PSTPIP2: variants seen among roughly 807,000 people sequenced by gnomAD.
PSTPIP2 encodes the protein proline-serine-threonine phosphatase interacting protein 2, also known as proline-serine-threonine phosphatase-interacting protein 2.
In PSTPIP2, 33 loss-of-function variants were observed where a neutral mutation model predicts 63.3. That is an observed-to-expected ratio of 0.52 (90% CI 0.40 to 0.70). The LOEUF (loss-of-function observed/expected upper bound fraction) is 0.70. PSTPIP2 is among the 30% of genes least tolerant of loss of function. PSTPIP2 has a pLI of 0.00. For synonymous variants in PSTPIP2, 125 were observed against 132.7 expected, an observed-to-expected ratio of 0.94 and a Z score of 0.40; for missense variants, 312 against 400.7, an observed-to-expected ratio of 0.78 and a Z score of 1.89.
intron 2 of PSTPIP2, among the ~76,000 whole-genome samples, chr18:46,034,619 C>T (rs1267701580): frequency 6.6e-6 from 1 of 152,148 alleles, no homozygotes; most frequent in Non-Finnish European, 1.5e-5. Flanking sequence ...GTACCATTTA[C>T]CCACTATATA....
intron 9 of PSTPIP2, among the ~76,000 whole-genome samples, chr18:45,994,996 C>A (rs1406621454): frequency 6.6e-6 from 1 of 152,166 alleles, no homozygotes; most frequent in Non-Finnish European, 1.5e-5. Flanking sequence ...GTTTCTATCA[C>A]CTTCCTCCTT....
At position 46,051,395 on chromosome 18, in the gene PSTPIP2, A is replaced by T. The variant is rs1371910476; in HGVS notation, c.34-11348T>A. Among the ~76,000 whole-genome samples, 4 of 152,082 alleles carry T rather than the reference A, an allele frequency of 2.6e-5. No homozygotes were observed. In the East Asian group the frequency reaches 7.8e-4, roughly 29 times the overall value. ...GAGGCTGAGGTGGGAGAATCACTTG[A>T]GCCCGGGAAGTGGAGGTTGCAGTGA... On this transcript the variant is annotated intron_variant, in intron 1 of 14. Transcript: ENST00000409746.
intron 1 of PSTPIP2, 163 bp from the exon 2 acceptor site, chr18:46,040,210 C>T: frequency 2.0e-6 from 1 of 497,778 alleles, no homozygotes; most frequent in Non-Finnish European, 3.5e-6. Context: ...TTCTCCACCC[C>T]CACCCTGGAG....
chr18:46,011,519 T>A (rs1262486774), intron 4 of PSTPIP2, among the ~76,000 whole-genome samples: 1 of 152,150 alleles, frequency 6.6e-6, no homozygotes, highest in African/African-American at 2.4e-5. Context: ...CTACTGTTAC[T>A]AACCTAGGGT....
chr18:45,988,343 G>T (rs570169584), intron 14 of PSTPIP2, among the ~76,000 whole-genome samples: 29 of 149,770 alleles, frequency 1.9e-4, no homozygotes, highest in African/African-American at 7.2e-4. Context: ...GCTGAGGTGG[G>T]AAGATCACTT....
chr18:46,049,008 A>ATGTGTGTGTGTGTG (rs59638072), intron 1 of PSTPIP2, among the ~76,000 whole-genome samples: 5 of 136,276 alleles, frequency 3.7e-5, no homozygotes, highest in African/African-American at 8.1e-5. Flanking sequence ...GAAAAAAAGC[A>ATGTGTGTGTGTGTG]TGTGTGTGTG....
intron 2 of PSTPIP2, chr18:46,029,151 C>T: frequency 1.1e-6 from 1 of 907,404 alleles, no homozygotes; most frequent in Non-Finnish European, 1.9e-6. Context: ...CATGAGTACT[C>T]ACAGCAAGGT....
chr18:45,988,679 A>T (rs760860850), intron 14 of PSTPIP2, 23 bp downstream of exon 14: 23 of 1,521,340 alleles, frequency 1.5e-5, no homozygotes, highest in Non-Finnish European at 2.1e-5. Context: ...TGACTCAATT[A>T]TGTGAAAAAT....
rs1161412281 is a variant in PSTPIP2, at chr18:46,006,386, T to TC, written c.355-856_355-855insG. On this transcript the variant is annotated intron_variant, in intron 5 of 14. Transcript: ENST00000409746. ...TTTTTTTTTTTTTTTTTTTTTTTTT[T>TC]TCTGAGACAGAGTTTGCTCTTAATG... Among the ~76,000 whole-genome samples the TC allele has an allele frequency of 1.4e-4, 16 of 116,168 alleles. 1 individual carries two copies. The highest frequency in any genetic ancestry group is 9.9e-4 in the East Asian group (4 of 4,024). 76.2% of individuals were successfully genotyped at this position (116,168 alleles called of 152,430 possible).
chr18:46,044,954 A>G (rs1018371662), intron 1 of PSTPIP2, among the ~76,000 whole-genome samples: 2 of 152,264 alleles, frequency 1.3e-5, no homozygotes, highest in Non-Finnish European at 2.9e-5. Context: ...CAAAACCACA[A>G]TGAGATACCA....
chr18:46,063,177 AT>A (rs1001984630), intron 1 of PSTPIP2, among the ~76,000 whole-genome samples: 1 of 151,664 alleles, frequency 6.6e-6, no homozygotes, highest in African/African-American at 2.4e-5. Context: ...TAATTTTAAA[AT>A]TTTTTTTGTA....
intron 5 of PSTPIP2, among the ~76,000 whole-genome samples, chr18:46,006,763 T>G (rs2051733700): frequency 6.6e-6 from 1 of 152,180 alleles, no homozygotes; most frequent in African/African-American, 2.4e-5. Flanking sequence ...TAATACTTGT[T>G]AGCAAAAATA....
chr18:46,029,149 C>A, intron 2 of PSTPIP2: 1 of 900,792 alleles, frequency 1.1e-6, no homozygotes, highest in Non-Finnish European at 1.9e-6. Context: ...GCCATGAGTA[C>A]TCACAGCAAG....
chr18:46,028,820 C>T, intron 2 of PSTPIP2: 1 of 1,526,600 alleles, frequency 6.6e-7, no homozygotes, highest in South Asian at 1.1e-5. Context: ...CTGAAAACAA[C>T]TTCAGATGAT....
chr18:46,055,478 G>A (rs1477925645), intron 1 of PSTPIP2, among the ~76,000 whole-genome samples: 1 of 152,092 alleles, frequency 6.6e-6, no homozygotes, highest in African/African-American at 2.4e-5. Flanking sequence ...ATGCCACCAT[G>A]CCCAGCTAAT....
intron 1 of PSTPIP2, among the ~76,000 whole-genome samples, chr18:46,067,396 A>G (rs144106963): frequency 0.012 from 1,789 of 150,280 alleles, 28 homozygotes; most frequent in African/African-American, 0.041. Flanking sequence ...CCAGCTACTC[A>G]GGAGGCTGAG....
chr18:46,027,704 A>G (rs1245053536), intron 2 of PSTPIP2, among the ~76,000 whole-genome samples: 1 of 152,142 alleles, frequency 6.6e-6, no homozygotes, highest in Non-Finnish European at 1.5e-5. Context: ...AAAATAAAAT[A>G]AGTAAATAAA....
chr18:45,987,852 T>C (rs1742763225), intron 14 of PSTPIP2, among the ~76,000 whole-genome samples: 1 of 152,214 alleles, frequency 6.6e-6, no homozygotes, highest in Non-Finnish European at 1.5e-5. Flanking sequence ...ATGCAGTATA[T>C]CTTTGCAGCT....
chr18:46,024,023 C>T (rs1294602874), intron 3 of PSTPIP2, among the ~76,000 whole-genome samples: 1 of 151,840 alleles, frequency 6.6e-6, no homozygotes, highest in African/African-American at 2.4e-5. Flanking sequence ...CATTTTTCTG[C>T]TTGTCTTGAT....
Sources: allele counts gnomAD v4.1 joint callset (sites outside exome capture counted in the v4.1 genomes callset), GRCh38; gene constraint gnomAD v4.1.1; transcripts MANE v1.5; gene names NCBI Gene and HGNC (gene_info 2026-07-23, HGNC 2026-07-21).